SNX18: variants seen among roughly 807,000 people sequenced by gnomAD.
The protein encoded by SNX18 is sorting nexin 18.
Under a neutral mutation model 48.7 loss-of-function variants are expected in SNX18, and 35 were observed. That is an observed-to-expected ratio of 0.72 (90% CI 0.55 to 0.95). The LOEUF (loss-of-function observed/expected upper bound fraction) is 0.95, where lower values mean the gene tolerates loss of function less well. Ranked by LOEUF, SNX18 falls within the 40% of genes least tolerant of loss-of-function variation. The pLI, the probability that SNX18 is intolerant of heterozygous loss-of-function variation, is 0.00. For synonymous variants in SNX18, 492 were observed against 384.7 expected, an observed-to-expected ratio of 1.28 and a Z score of -3.26; for missense variants, 824 against 871.0, an observed-to-expected ratio of 0.95 and a Z score of 0.68.
chr5:54,542,778 A>G (rs1762496051), intron 1 of SNX18, among the ~76,000 whole-genome samples: 1 of 152,252 alleles, frequency 6.6e-6, no homozygotes, highest in Admixed American at 6.5e-5. Context: ...TATAAACAGT[A>G]TAATTCTCTT....
chr5:54,616,879 C>T, the SNX18 span, among the ~76,000 whole-genome samples: 7 of 152,270 alleles, frequency 4.6e-5, no homozygotes, highest in Admixed American at 3.9e-4. Context: ...AACTCAGATG[C>T]AAGGTAACTG....
the SNX18 span, among the ~76,000 whole-genome samples, chr5:54,642,598 T>A: frequency 6.6e-6 from 1 of 152,222 alleles, no homozygotes; most frequent in East Asian, 1.9e-4. Flanking sequence ...AGGACCTATT[T>A]CTTAGTTGAA....
chr5:54,636,591 T>C, the SNX18 span, among the ~76,000 whole-genome samples: 2 of 152,210 alleles, frequency 1.3e-5, no homozygotes, highest in Non-Finnish European at 2.9e-5. Context: ...ACTCTGCTTT[T>C]TGCCCCAAAC....
At chr5:54,521,204 A>G (rs1444710228) in intron 1 of SNX18, among the ~76,000 whole-genome samples, 1 of 152,202 alleles carries the variant, frequency 6.6e-6, no homozygotes, top group Admixed American at 6.5e-5. Flanking sequence ...AGTTGAAAGG[A>G]TGGAACCAAG....
chr5:54,647,788 G>A, the SNX18 span, among the ~76,000 whole-genome samples: 2 of 152,118 alleles, frequency 1.3e-5, no homozygotes, highest in Non-Finnish European at 1.5e-5. Flanking sequence ...AAAAATGAAG[G>A]CTTGAAACTT....
chr5:54,635,745 C>T, the SNX18 span, among the ~76,000 whole-genome samples: 3 of 152,326 alleles, frequency 2.0e-5, no homozygotes, highest in East Asian at 5.8e-4. Flanking sequence ...AACCTGTGTA[C>T]AGGGCCCCAT....
the SNX18 span, among the ~76,000 whole-genome samples, chr5:54,622,878 T>G: frequency 3.3e-5 from 5 of 152,130 alleles, no homozygotes; most frequent in Non-Finnish European, 7.4e-5. Context: ...GTGGTTTGAT[T>G]TCAGACTCTG....
At position 54,546,304 on chromosome 5, in the gene SNX18, A is replaced by G. The variant is rs1042668788; in HGVS notation, c.*2872A>G. ...CTGTCAAGTATGTAAAGTTTGTGTA[A>G]AAACTTTTAAATGTCATTCTTAAGT... On this transcript the variant is annotated 3_prime_UTR_variant, in exon 2 of 2. Coordinates refer to ENST00000381410, the MANE Select transcript of SNX18 (RefSeq NM_001102575.2). 2.0e-5 allele frequency: 3 copies of G among 152,214 alleles called. No homozygotes were observed. The highest frequency in any genetic ancestry group is 7.2e-5 in the African/African-American group (3 of 41,450). The allele number at this position is 152,214 out of a possible 1,614,324, so 9.4% of individuals were successfully genotyped here.
chr5:54,631,131 C>T, the SNX18 span, among the ~76,000 whole-genome samples: 1 of 152,176 alleles, frequency 6.6e-6, no homozygotes. Context: ...CATAATACAG[C>T]CACATTTATA....
At chr5:54,584,137 G>A in the SNX18 span, among the ~76,000 whole-genome samples, 14 of 143,072 alleles carry the variant, frequency 9.8e-5, no homozygotes, top group East Asian at 1.5e-3. Context: ...TGTAACCTCC[G>A]CTTCCTGGGT....
chr5:54,552,098 G>A, the SNX18 span, among the ~76,000 whole-genome samples: 1 of 152,204 alleles, frequency 6.6e-6, no homozygotes, highest in African/African-American at 2.4e-5. Flanking sequence ...TTGTTCCGCT[G>A]TGGGTGCCGC....
chr5:54,582,225 G>A, the SNX18 span, among the ~76,000 whole-genome samples: 70 of 152,258 alleles, frequency 4.6e-4, no homozygotes, highest in Non-Finnish European at 8.4e-4. Flanking sequence ...GGCTAGTATA[G>A]GCCCCTGGCA....
At position 54,518,874 on chromosome 5, in the gene SNX18, C is replaced by T. The variant is rs762861892; in HGVS notation, c.922C>T (p.Pro308Ser). The T allele has an allele frequency of 3.1e-6, 5 of 1,613,650 alleles. No homozygotes were observed. Among genetic ancestry groups the T allele is most frequent in the Admixed American group, 1.7e-5 (1 of 60,010 alleles). The change falls in exon 1 of 2, where the codon CCG becomes TCG. Residue 308 changes from proline (P) to serine (S), a missense_variant. By Grantham distance (74) the Pro-to-Ser change is moderately conservative. Coordinates refer to ENST00000381410, the MANE Select transcript of SNX18 (RefSeq NM_001102575.2). ...GCTGGTGCCCACGCACACGCAGGTGCCGGTGCATCGGCGCTACAAGCACTT... is the reference window on the plus strand; with the variant it reads ...GCTGGTGCCCACGCACACGCAGGTGTCGGTGCATCGGCGCTACAAGCACTT... ...YKLVPTHTQV[P>S]VHRRYKHFDW...
the SNX18 span, among the ~76,000 whole-genome samples, chr5:54,615,047 T>C: frequency 2.6e-5 from 4 of 152,204 alleles, no homozygotes; most frequent in Non-Finnish European, 5.9e-5. Context: ...CCTTCTGCTT[T>C]GGTTTTTATG....
the SNX18 span, among the ~76,000 whole-genome samples, chr5:54,629,972 A>G: frequency 7.9e-5 from 12 of 152,350 alleles, no homozygotes; most frequent in East Asian, 2.3e-3. Flanking sequence ...ATTAGCTGAT[A>G]TTTATTGAGC....
intron 1 of SNX18, among the ~76,000 whole-genome samples, chr5:54,539,024 TTA>T (rs1454616490): frequency 6.6e-6 from 1 of 152,194 alleles, no homozygotes; most frequent in Non-Finnish European, 1.5e-5. Context: ...ATTGACCATT[TTA>T]TATAGTTTTT....
At chr5:54,546,759 C>G (rs977140177), downstream of SNX18, among the ~76,000 whole-genome samples, 1 of 152,214 alleles carries the variant, frequency 6.6e-6, no homozygotes, top group Non-Finnish European at 1.5e-5. Context: ...AAACCATCAT[C>G]ATTCAGATAG....
chr5:54,625,894 G>C, the SNX18 span, among the ~76,000 whole-genome samples: 2 of 152,294 alleles, frequency 1.3e-5, no homozygotes, highest in East Asian at 3.9e-4. Flanking sequence ...TGGAGCCTCA[G>C]TGGCCAACTC....
the SNX18 span, among the ~76,000 whole-genome samples, chr5:54,568,091 T>C: frequency 6.6e-6 from 1 of 152,224 alleles, no homozygotes; most frequent in South Asian, 2.1e-4. Flanking sequence ...TGTGTGTGTG[T>C]GTGCAAGTCA....
Sources: allele counts gnomAD v4.1 joint callset (sites outside exome capture counted in the v4.1 genomes callset), GRCh38; gene constraint gnomAD v4.1.1; transcripts MANE v1.5; gene names NCBI Gene and HGNC (gene_info 2026-07-23, HGNC 2026-07-21).